The following KICS2 variants were observed in gnomAD, a reference collection of about 807,000 sequenced individuals.
KICS2 encodes the protein KICSTOR complex protein C12orf66.
A neutral mutation model predicts 31.4 loss-of-function variants in KICS2; 13 were observed. The ratio of observed to expected loss-of-function variants is 0.41; its 90% CI spans 0.27 to 0.66. The LOEUF is 0.66. Ranked by LOEUF, KICS2 falls within the 30% of genes least tolerant of loss-of-function variation. The probability of loss-of-function intolerance (pLI) is 0.28; values close to 1 mark genes in which losing one functional copy is unlikely to be tolerated. For missense variants in KICS2, 455 were observed against 545.4 expected (o/e 0.83, Z 1.65); for synonymous variants, 209 against 214.8 (o/e 0.97, Z 0.24).
Position 64,193,737 on chromosome 12 carries a change from G to A in KICS2, c.*105C>T. On this transcript the variant is annotated 3_prime_UTR_variant, in exon 3 of 3. Transcript: ENST00000398055. Reference sequence around the variant, plus strand: ...GAGGATTTGTCTTTAATTTAGTTCTGAAAGAGGCATGAATGGATGTAAACT... The same window carrying A: ...GAGGATTTGTCTTTAATTTAGTTCTAAAAGAGGCATGAATGGATGTAAACT... 6.9e-7 allele frequency: 1 copy of A among 1,453,460 alleles called. No individual in the cohort carries two copies. The highest frequency in any genetic ancestry group is 9.0e-7 in the Non-Finnish European group (1 of 1,105,614). The allele number at this position is 1,453,460 out of a possible 1,614,324, so 90.0% of individuals were successfully genotyped here.
At chr12:64,218,809 G>T (rs891188753) in intron 1 of KICS2, among the ~76,000 whole-genome samples, 3 of 152,040 alleles carry the variant, frequency 2.0e-5, no homozygotes, top group Non-Finnish European at 2.9e-5. Flanking sequence ...ATCGGTAAAC[G>T]CTAATCACCA....
rs2037624121 is a variant in KICS2, at chr12:64,215,903, T to C, written c.296A>G (p.Asn99Ser). Residue 99 changes from asparagine (N) to serine (S), a missense_variant, in exon 2 of 3, where the codon AAT becomes AGT. By Grantham distance (46) the Asn-to-Ser change is conservative. Coordinates refer to ENST00000398055, the MANE Select transcript of KICS2 (RefSeq NM_152440.5). ...SIRTIYTSLH[N>S]ELKKVVTGRG... ...GCCAGTCACCACCTTCTTCAGCTCA[T>C]TATGCAATGAAGTATAGATGGTGCG... 1 of 1,613,898 alleles carries C rather than the reference T, an allele frequency of 6.2e-7. No individual in the cohort carries two copies. Among genetic ancestry groups the C allele is most frequent in the African/African-American group, 1.3e-5 (1 of 74,920 alleles).
intron 2 of KICS2, among the ~76,000 whole-genome samples, chr12:64,209,241 G>C (rs190262590): frequency 7.2e-5 from 11 of 152,072 alleles, no homozygotes; most frequent in Admixed American, 5.9e-4. Flanking sequence ...TTAAAATGCA[G>C]AATCACAAAT....
intron 2 of KICS2, among the ~76,000 whole-genome samples, chr12:64,208,627 C>A (rs1039862088): frequency 1.3e-5 from 2 of 152,100 alleles, no homozygotes; most frequent in Non-Finnish European, 2.9e-5. Flanking sequence ...GGCATAAGGG[C>A]TAAATAAATT....
chr12:64,196,898 GA>G (rs1420785213), intron 2 of KICS2, among the ~76,000 whole-genome samples: 3 of 149,818 alleles, frequency 2.0e-5, no homozygotes, highest in African/African-American at 7.4e-5. Context: ...GAAGTTTAGA[GA>G]AAAACGAATA....
chr12:64,195,022 C>T (rs2037420673), intron 2 of KICS2, among the ~76,000 whole-genome samples: 1 of 151,620 alleles, frequency 6.6e-6, no homozygotes, highest in South Asian at 2.1e-4. Context: ...TGGCTCACTG[C>T]AGCTCAGTTC....
chr12:64,195,697 A>G (rs571897393), intron 2 of KICS2, among the ~76,000 whole-genome samples: 1 of 152,258 alleles, frequency 6.6e-6, no homozygotes, highest in Non-Finnish European at 1.5e-5. Flanking sequence ...TACCGGGTTC[A>G]TCTCACTAGG....
intron 1 of KICS2, 97 bp downstream of exon 1, chr12:64,221,906 A>C: frequency 1.5e-6 from 2 of 1,311,160 alleles, no homozygotes; most frequent in Non-Finnish European, 2.1e-6. Context: ...CTGCGACTAG[A>C]AGTGACACAG....
In KICS2 at chr12:64,194,354, C is replaced by A. The variant is rs201307069; in HGVS notation, c.826G>T (p.Ala276Ser). 15 of 1,614,164 alleles carry A rather than the reference C, an allele frequency of 9.3e-6. No homozygotes were observed. The highest frequency in any genetic ancestry group is 3.3e-5 in the South Asian group (3 of 91,082). Reference protein sequence around the residue: ...LAKFSFYFHEALSRQTTASEM... With the variant: ...LAKFSFYFHESLSRQTTASEM... ...GAAGCAGTCGTTTGTCGGCTCAGAG[C>A]CTCATGAAAGTAAAAGCTAAACTTG... Residue 276 changes from alanine to serine, a missense_variant, in exon 3 of 3, where the codon GCT becomes TCT. Transcript: ENST00000398055.
At chr12:64,221,771 A>G in intron 1 of KICS2, 1 of 601,654 alleles carries the variant, frequency 1.7e-6, no homozygotes, top group South Asian at 2.1e-5. Context: ...TTTGGGTCAC[A>G]GCCCTGCAAA....
At chr12:64,219,866 A>G (rs2037663369) in intron 1 of KICS2, among the ~76,000 whole-genome samples, 1 of 152,226 alleles carries the variant, frequency 6.6e-6, no homozygotes, top group Admixed American at 6.5e-5. Flanking sequence ...TTTCTAAAGA[A>G]AACTATATAA....
chr12:64,220,301 G>C lies in KICS2; in HGVS notation c.235+1702C>G, dbSNP rs188335925. ...GGACCACTTTACAGAACCCAAGTCAGAGACAGTGAAGATCTTATACACACA... is the reference window on the plus strand; with the variant it reads ...GGACCACTTTACAGAACCCAAGTCACAGACAGTGAAGATCTTATACACACA... On this transcript the variant is annotated intron_variant, in intron 1 of 2. Coordinates refer to ENST00000398055, the MANE Select transcript of KICS2 (RefSeq NM_152440.5). Among the ~76,000 whole-genome samples, 678 of 152,296 alleles carry C rather than the reference G, an allele frequency of 4.5e-3. 6 individuals are homozygous for C. The highest frequency in any genetic ancestry group is 3.5e-3 in the Non-Finnish European group (239 of 68,022).
In KICS2 at chr12:64,222,092, C is replaced by A. The variant is rs371158542; in HGVS notation, c.146G>T (p.Gly49Val). The A allele has an allele frequency of 2.5e-6, 4 of 1,613,814 alleles. No individual in the cohort carries two copies. In the African/African-American group the frequency reaches 5.3e-5, roughly 22 times the overall value. ...GGCCGCCAGCAGCGACAGCCAGCTG[C>A]CCCCCGCGCTCTTGTTGGCCTCTCG... ...KEREANKSAG[G>V]SWLSLLAALA... Residue 49 changes from glycine to valine, a missense_variant, in exon 1 of 3, where the codon GGC becomes GTC. Gly to Val is a moderately radical substitution (Grantham distance 109). Transcript: ENST00000398055.
chr12:64,214,392 G>C, intron 2 of KICS2, among the ~76,000 whole-genome samples: 1 of 152,200 alleles, frequency 6.6e-6, no homozygotes, highest in East Asian at 1.9e-4. Flanking sequence ...GTTTTGGTAG[G>C]ATAGTGAGAG....
At position 64,192,964 on chromosome 12, in the gene KICS2, C is replaced by T; in HGVS notation, c.*878G>A. On this transcript the variant is annotated 3_prime_UTR_variant, in exon 3 of 3. Transcript: ENST00000398055. ...AAAGTAGGCTATGTTGCATGAGTAT[C>T]TAAAAGTGGCTGAAAAACCGACTGC... is the stretch of plus-strand genomic sequence containing the variant. The T allele has an allele frequency of 1.0e-6, 1 of 985,396 alleles. No homozygotes were observed. The highest frequency in any genetic ancestry group is 1.2e-6 in the Non-Finnish European group (1 of 829,930). 61.0% of individuals were successfully genotyped at this position (985,396 alleles called of 1,614,324 possible).
intron 2 of KICS2, among the ~76,000 whole-genome samples, chr12:64,208,490 A>C (rs1474788113): frequency 6.6e-6 from 1 of 152,234 alleles, no homozygotes; most frequent in Non-Finnish European, 1.5e-5. Flanking sequence ...CAGAAATTGC[A>C]CTACTACTAG....
At position 64,215,927 on chromosome 12, in the gene KICS2, C is replaced by T. The variant is rs759325071; in HGVS notation, c.272G>A (p.Arg91His). The T allele has an allele frequency of 2.5e-6, 4 of 1,613,358 alleles. No individual in the cohort carries two copies. Among genetic ancestry groups the T allele is most frequent in the East Asian group, 2.2e-5 (1 of 44,882 alleles). The change falls in exon 2 of 3, where the codon CGC becomes CAC. Residue 91 changes from arginine to histidine, a missense_variant. By Grantham distance (29) the Arg-to-His change is conservative (BLOSUM62 0). Transcript: ENST00000398055. ...QSFFSRKDSIRTIYTSLHNEL... is the reference protein window; with the variant it reads ...QSFFSRKDSIHTIYTSLHNEL... Reference sequence around the variant, plus strand: ...ATTATGCAATGAAGTATAGATGGTGCGGATGGAATCCTTCCTGCTGAAGAA... The same window carrying T: ...ATTATGCAATGAAGTATAGATGGTGTGGATGGAATCCTTCCTGCTGAAGAA...
intron 2 of KICS2, among the ~76,000 whole-genome samples, chr12:64,213,994 A>G (rs766091414): frequency 3.3e-5 from 5 of 152,166 alleles, no homozygotes; most frequent in Non-Finnish European, 5.9e-5. Flanking sequence ...CCTTCTGCCT[A>G]TTAGGCTACC....
At chr12:64,209,355 G>A (rs368794929) in intron 2 of KICS2, among the ~76,000 whole-genome samples, 131 of 152,026 alleles carry the variant, frequency 8.6e-4, no homozygotes, top group Middle Eastern at 3.4e-3. Flanking sequence ...GATGCTAAGC[G>A]GGGTTGATCA....
Sources: allele counts gnomAD v4.1 joint callset (sites outside exome capture counted in the v4.1 genomes callset), GRCh38; gene constraint gnomAD v4.1.1; transcripts MANE v1.5; gene names NCBI Gene and HGNC (gene_info 2026-07-23, HGNC 2026-07-21).